The following KMT2C variants were observed in gnomAD, a reference collection of about 807,000 sequenced individuals.
The protein encoded by KMT2C is lysine methyltransferase 2C.
KMT2C carries 88 observed loss-of-function variants against 507.9 expected under a neutral mutation model. The observed-to-expected ratio is 0.17, with a 90% CI of 0.15 to 0.21. The LOEUF (loss-of-function observed/expected upper bound fraction) is 0.21, where lower values mean the gene tolerates loss of function less well. KMT2C is among the 10% of genes least tolerant of loss of function. KMT2C has a pLI of 1.00. For missense variants in KMT2C, 4,954 were observed against 5,957.8 expected (o/e 0.83, Z 5.55); for synonymous variants, 2,049 against 2,080.8 (o/e 0.98, Z 0.42).
Position 152,418,899 on chromosome 7 carries a change from AG to A in KMT2C, c.161+16726del, listed in dbSNP as rs144430364. Among the ~76,000 whole-genome samples the A allele has an allele frequency of 8.6e-3, 1,313 of 152,102 alleles. 21 individuals are homozygous for A. Among genetic ancestry groups the A allele is most frequent in the African/African-American group, 0.031 (1,266 of 41,484 alleles). On this transcript the variant is annotated intron_variant, in intron 1 of 58. Coordinates refer to ENST00000262189, the MANE Select transcript of KMT2C (RefSeq NM_170606.3). ...ACTGTGTATATGAAAAAAGTTTGAA[AG>A]AGAATAGGTCAGGCTGGGTGTGGTA...
At position 152,156,201 on chromosome 7, in the gene KMT2C, A is replaced by C; in HGVS notation, c.11812+4T>G. The C allele has an allele frequency of 6.2e-7, 1 of 1,614,036 alleles. No individual in the cohort carries two copies. The highest frequency in any genetic ancestry group is 8.5e-7 in the Non-Finnish European group (1 of 1,179,914). On this transcript the variant is annotated splice_donor_region_variant and intron_variant, in intron 45 of 58. Transcript: ENST00000262189. ...GGTGTGAAATTTGGAGGCTATAATC[A>C]TACCTTCATGGCTCACTAACACTCC...
chr7:152,260,993 AAAG>A (rs2095760416), intron 9 of KMT2C, among the ~76,000 whole-genome samples: 2 of 152,246 alleles, frequency 1.3e-5, no homozygotes, highest in Admixed American at 6.5e-5. Flanking sequence ...GCAGGAAGTA[AAAG>A]AAGAGAAAAG....
chr7:152,372,857 G>A (rs778574714), intron 1 of KMT2C, among the ~76,000 whole-genome samples: 11 of 152,106 alleles, frequency 7.2e-5, no homozygotes, highest in Non-Finnish European at 1.6e-4. Flanking sequence ...CAGACTAAAT[G>A]GACCTAACAG....
intron 3 of KMT2C, among the ~76,000 whole-genome samples, chr7:152,323,650 AAGAG>A (rs1160682040): frequency 2.0e-5 from 3 of 149,712 alleles, no homozygotes; most frequent in African/African-American, 4.9e-5. Context: ...GAAAAAAAAA[AAGAG>A]AGAGAAAGAG....
rs764006966 is a variant in KMT2C, at chr7:152,320,485, GT to G, written c.390-5148del. 3.3e-3 allele frequency among the ~76,000 whole-genome samples: 496 copies of G among 150,832 alleles called. 4 individuals are homozygous for G. Among genetic ancestry groups the G allele is most frequent in the Non-Finnish European group, 4.0e-3 (269 of 67,270 alleles). ...GCTGGTCTCAAACTCCTGGCCTCAGGTGATCCACCTGCCTTGGCCACCTAAA... is the reference window on the plus strand; with the variant it reads ...GCTGGTCTCAAACTCCTGGCCTCAGGGATCCACCTGCCTTGGCCACCTAAA... On this transcript the variant is annotated intron_variant, in intron 3 of 58. Transcript: ENST00000262189.
At chr7:152,434,085 C>CA (rs891294813) in intron 1 of KMT2C, among the ~76,000 whole-genome samples, 2 of 151,538 alleles carry the variant, frequency 1.3e-5, no homozygotes, top group Non-Finnish European at 2.9e-5. Context: ...TTAAAGGATG[C>CA]AAAAAAAAGT....
intron 6 of KMT2C, among the ~76,000 whole-genome samples, chr7:152,282,253 C>T (rs1201100321): frequency 5.3e-5 from 8 of 150,560 alleles, no homozygotes; most frequent in Admixed American, 1.3e-4. Flanking sequence ...GCCAAGATTG[C>T]GCCACTGCAC....
At chr7:152,429,914 C>T (rs1350539753) in intron 1 of KMT2C, among the ~76,000 whole-genome samples, 18 of 151,916 alleles carry the variant, frequency 1.2e-4, no homozygotes, top group Admixed American at 9.8e-4. Context: ...TGGTGGCTCA[C>T]GTCTGTAATC....
intron 1 of KMT2C, among the ~76,000 whole-genome samples, chr7:152,403,709 G>GAC (rs2097585821): frequency 2.0e-5 from 3 of 151,032 alleles, no homozygotes; most frequent in Admixed American, 1.3e-4. Flanking sequence ...GAAAAACTGG[G>GAC]ACACATACAC....
intron 19 of KMT2C, 128 bp from the exon 20 acceptor site, chr7:152,224,307 T>A: frequency 7.8e-7 from 1 of 1,279,562 alleles, no homozygotes; most frequent in Non-Finnish European, 1.1e-6. Context: ...ATTTTTCTGA[T>A]TACTGGTATC....
intron 13 of KMT2C, among the ~76,000 whole-genome samples, chr7:152,248,997 G>A (rs1246687706): frequency 1.3e-5 from 2 of 152,098 alleles, no homozygotes; most frequent in Non-Finnish European, 2.9e-5. Context: ...TAGATACCCA[G>A]ATGTAACAAA....
rs1356522470 is a variant in KMT2C, at chr7:152,194,223, A to G, written c.4540+6T>C. On this transcript the variant is annotated splice_donor_region_variant and intron_variant, in intron 30 of 58. Coordinates refer to ENST00000262189, the MANE Select transcript of KMT2C (RefSeq NM_170606.3). ...TTCATTAACTAGAAAATCAAAACAC[A>G]TTTACCTGGAATTTTATATAATTTT... is the stretch of plus-strand genomic sequence containing the variant. 6.5e-7 allele frequency: 1 copy of G among 1,537,756 alleles called. No homozygotes were observed. The highest frequency in any genetic ancestry group is 1.4e-5 in the African/African-American group (1 of 71,436).
At chr7:152,267,074 C>G (rs2095869855) in intron 7 of KMT2C, among the ~76,000 whole-genome samples, 1 of 152,234 alleles carries the variant, frequency 6.6e-6, no homozygotes, top group Non-Finnish European at 1.5e-5. Flanking sequence ...TTACTTTCAT[C>G]TCATCCTCCT....
intron 37 of KMT2C, among the ~76,000 whole-genome samples, chr7:152,178,617 T>C (rs746464597): frequency 1.3e-5 from 2 of 151,884 alleles, no homozygotes; most frequent in Non-Finnish European, 2.9e-5. Flanking sequence ...TTACACAGAA[T>C]ACAAAGCATA....
chr7:152,356,378 C>T (rs1046478170), intron 2 of KMT2C, among the ~76,000 whole-genome samples: 7 of 151,824 alleles, frequency 4.6e-5, no homozygotes, highest in Admixed American at 1.3e-4. Flanking sequence ...AGTTCGAGGC[C>T]AGCCTGGCAA....
At chr7:152,246,301 G>C (rs2095472013) in intron 14 of KMT2C, among the ~76,000 whole-genome samples, 1 of 152,080 alleles carries the variant, frequency 6.6e-6, no homozygotes, top group African/African-American at 2.4e-5. Flanking sequence ...ATACTTACAA[G>C]AGTAGCAGCA....
intron 3 of KMT2C, among the ~76,000 whole-genome samples, chr7:152,326,904 T>C (rs1488746261): frequency 6.6e-6 from 1 of 151,966 alleles, no homozygotes; most frequent in Non-Finnish European, 1.5e-5. Context: ...TAAAATAAAA[T>C]TCATTAAATT....
chr7:152,311,743 A>T lies in KMT2C; in HGVS notation c.739+55T>A, dbSNP rs2096673460. ...TATTGAGGACATTAATAATGTATTAAAATTAAAATGCTTCCAGAATTAAGA... is the reference window on the plus strand; with the variant it reads ...TATTGAGGACATTAATAATGTATTATAATTAAAATGCTTCCAGAATTAAGA... On this transcript the variant is annotated intron_variant, in intron 5 of 58. Transcript: ENST00000262189. 3.6e-6 allele frequency: 5 copies of T among 1,371,706 alleles called. No homozygotes were observed. In the South Asian group the frequency reaches 7.3e-5, roughly 20 times the overall value. The allele number at this position is 1,371,706 out of a possible 1,614,324, so 85.0% of individuals were successfully genotyped here.
intron 34 of KMT2C, among the ~76,000 whole-genome samples, chr7:152,183,413 T>C (rs1362529153): frequency 1.3e-5 from 2 of 152,196 alleles, no homozygotes; most frequent in Non-Finnish European, 2.9e-5. Flanking sequence ...TTTAATATTT[T>C]AGCTCCTAGT....
Sources: allele counts gnomAD v4.1 joint callset (sites outside exome capture counted in the v4.1 genomes callset), GRCh38; gene constraint gnomAD v4.1.1; transcripts MANE v1.5; gene names NCBI Gene and HGNC (gene_info 2026-07-23, HGNC 2026-07-21).